Variants in MED13L observed in about 807,000 individuals in gnomAD.
MED13L encodes mediator complex subunit 13L.
MED13L carries 7 observed loss-of-function variants against 220.9 expected under a neutral mutation model. The ratio of observed to expected loss-of-function variants is 0.03; its 90% confidence interval spans 0.02 to 0.06. MED13L has a LOEUF of 0.06. MED13L is among the 10% of genes least tolerant of loss of function. MED13L has a pLI of 1.00. For missense variants in MED13L, 1,965 were observed against 2,760.5 expected, an observed-to-expected ratio of 0.71 and a Z score of 6.46; for synonymous variants, 1,011 against 1,015.2, an observed-to-expected ratio of 1.00 and a Z score of 0.08.
In MED13L at chr12:116,096,772, A is replaced by T; in HGVS notation, c.396-20T>A. ...AGGCACCTAAAATAATTACATCAAG[A>T]ATTACTTTTATAGTATCAGTAACAA... On this transcript the variant is annotated intron_variant, in intron 3 of 30. Transcript: ENST00000281928. 6.3e-7 allele frequency: 1 copy of T among 1,583,648 alleles called. No individual in the cohort carries two copies. The highest frequency in any genetic ancestry group is 8.7e-7 in the Non-Finnish European group (1 of 1,152,432).
Position 115,991,335 on chromosome 12 carries a change from T to A in MED13L, c.3619A>T (p.Thr1207Ser). Residue 1207 changes from threonine (T) to serine (S), a missense_variant, in exon 17 of 31, where the codon ACC becomes TCC. Transcript: ENST00000281928. This position sits in a 1 kb window ranked among gnomAD's most constrained non-coding sequence, Gnocchi z 7.7. ...GTTCCTTCCACCTGAGGAAGGAAGG[T>A]GGACTGACACATCATTAAGCGCCTC... ...AERRLMMCQS[T>S]FLPQVEGTKK... The A allele has an allele frequency of 6.2e-7, 1 of 1,613,954 alleles. No individual in the cohort carries two copies. Among genetic ancestry groups the A allele is most frequent in the Non-Finnish European group, 8.5e-7 (1 of 1,180,008 alleles).
chr12:116,108,090 AAAACAAAC>A (rs1334930524), intron 3 of MED13L, among the ~76,000 whole-genome samples: 1 of 151,872 alleles, frequency 6.6e-6, no homozygotes, highest in Non-Finnish European at 1.5e-5. Flanking sequence ...ACTCCATCTC[AAAACAAAC>A]AAACAAACAA....
chr12:115,985,024 A>G (rs1877591445), intron 19 of MED13L, among the ~76,000 whole-genome samples: 1 of 152,226 alleles, frequency 6.6e-6, no homozygotes, highest in Non-Finnish European at 1.5e-5. Flanking sequence ...ACTAGAGTAG[A>G]TGAAGTGAAG....
chr12:116,195,041 G>C (rs1001694235), intron 2 of MED13L, among the ~76,000 whole-genome samples: 2 of 152,220 alleles, frequency 1.3e-5, no homozygotes, highest in Admixed American at 6.5e-5. Flanking sequence ...GACTGAGGCC[G>C]AAATTGGGCT....
At chr12:116,151,619 G>A (rs1878046923) in intron 2 of MED13L, among the ~76,000 whole-genome samples, 1 of 152,162 alleles carries the variant, frequency 6.6e-6, no homozygotes, top group Admixed American at 6.6e-5. Context: ...CCTAAAGGCA[G>A]GAATAAATCT....
At chr12:116,230,386 T>C (rs1200753760) in intron 2 of MED13L, 1 of 732,528 alleles carries the variant, frequency 1.4e-6, no homozygotes, top group Non-Finnish European at 1.7e-6. Context: ...GGTGACAAAG[T>C]GAGACTCCGT....
rs1315786144 is a variant in MED13L, at chr12:116,008,634, A to G, written c.1779T>C (p.Ser593=). 1 of 1,614,094 alleles carries G rather than the reference A, an allele frequency of 6.2e-7. No homozygotes were observed. ...YGNGLELQQL[S]TLDDRTVLVG... ...CGAGGACAGTTCTGTCATCCAGAGT[A>G]GACAACTGCTGGAGTTCTAGTCCAT... The change falls in exon 10 of 31, where the codon TCT becomes TCC. Residue 593 remains serine, a synonymous_variant. Transcript: ENST00000281928.
chr12:116,107,836 A>T (rs1404250689), intron 3 of MED13L, among the ~76,000 whole-genome samples: 1 of 152,228 alleles, frequency 6.6e-6, no homozygotes, highest in Non-Finnish European at 1.5e-5. Context: ...TCATGCCTGC[A>T]ATCCCAACTC....
chr12:116,200,052 G>A (rs1881906164), intron 2 of MED13L, among the ~76,000 whole-genome samples: 1 of 147,302 alleles, frequency 6.8e-6, no homozygotes, highest in African/African-American at 2.5e-5. Context: ...CTAGCACTCT[G>A]GATGGCCAAG....
At chr12:116,035,726 G>A (rs1178468482) in intron 4 of MED13L, among the ~76,000 whole-genome samples, 2 of 151,930 alleles carry the variant, frequency 1.3e-5, no homozygotes, top group Non-Finnish European at 2.9e-5. Context: ...GAGTAGCTGG[G>A]ACCCCAAGCA....
chr12:116,179,525 G>A (rs902432295), intron 2 of MED13L, among the ~76,000 whole-genome samples: 1 of 151,396 alleles, frequency 6.6e-6, no homozygotes, highest in African/African-American at 2.4e-5. Context: ...GCTGAGGCCG[G>A]AGAAGCACGT....
chr12:116,071,884 T>C (rs1189547031), intron 4 of MED13L, among the ~76,000 whole-genome samples: 1 of 152,184 alleles, frequency 6.6e-6, no homozygotes, highest in Non-Finnish European at 1.5e-5. Flanking sequence ...CCCTTTCTGC[T>C]CCATATCCCT....
chr12:116,190,237 T>C (rs1404284529), intron 2 of MED13L, among the ~76,000 whole-genome samples: 6 of 152,196 alleles, frequency 3.9e-5, no homozygotes, highest in African/African-American at 1.4e-4. Flanking sequence ...GTTTATCAAG[T>C]TCTCCCACTA....
chr12:116,020,312 A>C (rs1879984699), intron 5 of MED13L, among the ~76,000 whole-genome samples: 1 of 149,620 alleles, frequency 6.7e-6, no homozygotes. Flanking sequence ...GAAATAAAAT[A>C]TGGATAGTAC....
At chr12:115,992,984 A>G (rs1429568463) in intron 16 of MED13L, among the ~76,000 whole-genome samples, 3 of 152,234 alleles carry the variant, frequency 2.0e-5, no homozygotes, top group Admixed American at 1.3e-4. Flanking sequence ...ATGGAAAATC[A>G]AAATAAAAAT....
rs978873685 is a variant in MED13L, at chr12:115,959,714, C to T, written c.*1552G>A. The T allele has an allele frequency of 3.9e-5, 6 of 152,598 alleles. No homozygotes were observed. Among genetic ancestry groups the T allele is most frequent in the African/African-American group, 1.4e-4 (6 of 41,450 alleles). 9.5% of individuals were successfully genotyped at this position (152,598 alleles called of 1,614,324 possible). A position where few individuals can be genotyped will look rare whatever the true frequency, so the allele number is the denominator to read the frequency against. ...TACAGAGAACAAAATTATCCATTTACAAGTTATTTCTCTGCTTTCACATTC... is the reference window on the plus strand; with the variant it reads ...TACAGAGAACAAAATTATCCATTTATAAGTTATTTCTCTGCTTTCACATTC... On this transcript the variant is annotated 3_prime_UTR_variant, in exon 31 of 31. Coordinates refer to ENST00000281928, the MANE Select transcript of MED13L (RefSeq NM_015335.5).
intron 19 of MED13L, among the ~76,000 whole-genome samples, chr12:115,985,612 A>G (rs1260822645): frequency 1.3e-5 from 2 of 152,236 alleles, no homozygotes; most frequent in African/African-American, 2.4e-5. Context: ...ATACTTTGGC[A>G]TAAGAAATGT....
chr12:115,987,411 A>C, intron 17 of MED13L, 123 bp from the exon 18 acceptor site: 1 of 883,472 alleles, frequency 1.1e-6, no homozygotes, highest in East Asian at 2.7e-5. Context: ...TAGATTCTAA[A>C]ATATTTGACT....
chr12:116,016,398 A>C (rs1350051519), intron 7 of MED13L, among the ~76,000 whole-genome samples: 2 of 152,212 alleles, frequency 1.3e-5, no homozygotes, highest in Non-Finnish European at 2.9e-5. Context: ...AGAAATTTGA[A>C]CTTTGCTACA....
Sources: allele counts gnomAD v4.1 joint callset (sites outside exome capture counted in the v4.1 genomes callset), GRCh38; gene constraint gnomAD v4.1.1; non-coding constraint Gnocchi (gnomAD v3.1); transcripts MANE v1.5; gene names NCBI Gene and HGNC (gene_info 2026-07-23, HGNC 2026-07-21).